Variants in RAB22A observed in about 807,000 individuals in gnomAD.
The protein encoded by RAB22A is RAB22A, member RAS oncogene family.
Under a neutral mutation model 30.2 loss-of-function variants are expected in RAB22A, and 13 were observed. The observed-to-expected ratio is 0.43, with a 90% confidence interval of 0.28 to 0.68. The LOEUF (loss-of-function observed/expected upper bound fraction) is 0.68. Among genes scored for constraint, RAB22A ranks in the 30% least tolerant of loss-of-function variants. The pLI, the probability that RAB22A is intolerant of heterozygous loss-of-function variation, is 0.18. For missense variants in RAB22A, 177 were observed against 246.8 expected, an observed-to-expected ratio of 0.72 and a Z score of 1.89; for synonymous variants, 89 against 87.2, an observed-to-expected ratio of 1.02 and a Z score of -0.11.
Position 58,359,805 on chromosome 20 carries a change from G to A in RAB22A, c.*102G>A. On this transcript the variant is annotated 3_prime_UTR_variant, in exon 7 of 7. Transcript: ENST00000244040. Reference sequence around the variant, plus strand: ...CCAGTTTTCACCTAGCCAGTCTTGAGTCTTCTCCGTGCAAAAAGGATTCAC... The same window carrying A: ...CCAGTTTTCACCTAGCCAGTCTTGAATCTTCTCCGTGCAAAAAGGATTCAC... 1 of 978,144 alleles carries A rather than the reference G, an allele frequency of 1.0e-6. No homozygotes were observed. Among genetic ancestry groups the A allele is most frequent in the East Asian group, 2.7e-5 (1 of 36,522 alleles). 60.6% of individuals were successfully genotyped at this position (978,144 alleles called of 1,614,324 possible).
intron 2 of RAB22A, among the ~76,000 whole-genome samples, chr20:58,319,247 A>G (rs1487544610): frequency 6.6e-6 from 1 of 152,236 alleles, no homozygotes; most frequent in African/African-American, 2.4e-5. Context: ...ACAACATTGG[A>G]CATATAGGAC....
chr20:58,332,832 CG>C (rs1986685487), intron 2 of RAB22A, among the ~76,000 whole-genome samples: 1 of 151,632 alleles, frequency 6.6e-6, no homozygotes, highest in Non-Finnish European at 1.5e-5. Flanking sequence ...TGCTGATAAC[CG>C]GAAATAAAGA....
In RAB22A at chr20:58,318,366, C is replaced by T. The variant is rs11697272; in HGVS notation, c.116+7244C>T. On this transcript the variant is annotated intron_variant, in intron 2 of 6. Coordinates refer to ENST00000244040, the MANE Select transcript of RAB22A (RefSeq NM_020673.3). ...TTCTAATTTTTTCTCCAAATTTTTTCGTAACATGCATGCACAGGTTGAGTA... is the reference window on the plus strand; with the variant it reads ...TTCTAATTTTTTCTCCAAATTTTTTTGTAACATGCATGCACAGGTTGAGTA... Among the ~76,000 whole-genome samples, 6 of 152,190 alleles carry T rather than the reference C, an allele frequency of 3.9e-5. No homozygotes were observed. In the South Asian group the frequency reaches 6.2e-4, roughly 16 times the overall value.
At chr20:58,338,175 C>T (rs770630410) in intron 2 of RAB22A, among the ~76,000 whole-genome samples, 1 of 151,816 alleles carries the variant, frequency 6.6e-6, no homozygotes, top group African/African-American at 2.4e-5. Flanking sequence ...TACAGGGACC[C>T]GCCATCACAC....
At chr20:58,314,473 CAG>C (rs758570454) in intron 2 of RAB22A, among the ~76,000 whole-genome samples, 4 of 152,210 alleles carry the variant, frequency 2.6e-5, no homozygotes, top group Non-Finnish European at 5.9e-5. Flanking sequence ...CTGACTCCTA[CAG>C]TGATCAGTAA....
At chr20:58,325,175 C>CAA (rs766377233) in intron 2 of RAB22A, among the ~76,000 whole-genome samples, 41 of 65,150 alleles carry the variant, frequency 6.3e-4, no homozygotes, top group Non-Finnish European at 8.7e-4. Context: ...GACTCCATCT[C>CAA]AAAAAAAAAA....
chr20:58,359,046 G>A (rs775846465), intron 6 of RAB22A, among the ~76,000 whole-genome samples: 5 of 152,202 alleles, frequency 3.3e-5, no homozygotes, highest in Non-Finnish European at 7.3e-5. Flanking sequence ...GGGGAGATGG[G>A]TAGGGATATA....
intron 3 of RAB22A, among the ~76,000 whole-genome samples, chr20:58,349,879 G>T (rs1987017007): frequency 6.6e-6 from 1 of 152,228 alleles, no homozygotes; most frequent in African/African-American, 2.4e-5. Flanking sequence ...GTGTGACCCA[G>T]TGAGTAGAAG....
chr20:58,348,364 T>C (rs73915842), intron 3 of RAB22A, among the ~76,000 whole-genome samples: 4,661 of 152,308 alleles, frequency 0.031, 229 homozygotes, highest in African/African-American at 0.1. Context: ...CTCAGACTTA[T>C]TTATTGTCAC....
Position 58,360,109 on chromosome 20 carries a change from G to A in RAB22A, c.*406G>A, listed in dbSNP as rs1419912267. 6.5e-6 allele frequency: 1 copy of A among 153,952 alleles called. No individual in the cohort carries two copies. The highest frequency in any genetic ancestry group is 2.4e-5 in the African/African-American group (1 of 41,458). 9.5% of individuals were successfully genotyped at this position (153,952 alleles called of 1,614,324 possible). ...GGAGATTATAATTTCCTTGGTTTCTGTTACCACTGTTAGAGGGAGTTGTAT... is the reference window on the plus strand; with the variant it reads ...GGAGATTATAATTTCCTTGGTTTCTATTACCACTGTTAGAGGGAGTTGTAT... On this transcript the variant is annotated 3_prime_UTR_variant, in exon 7 of 7. Coordinates refer to ENST00000244040, the MANE Select transcript of RAB22A (RefSeq NM_020673.3).
intron 2 of RAB22A, among the ~76,000 whole-genome samples, chr20:58,340,269 G>A (rs1410448979): frequency 6.6e-6 from 1 of 152,170 alleles, no homozygotes; most frequent in African/African-American, 2.4e-5. Context: ...TGTAACTCCT[G>A]GATTTTGCTG....
chr20:58,323,783 T>C (rs1389163070), intron 2 of RAB22A, among the ~76,000 whole-genome samples: 3 of 152,012 alleles, frequency 2.0e-5, no homozygotes, highest in African/African-American at 7.2e-5. Context: ...GAAGCACCTT[T>C]ATTTTGTTTG....
In RAB22A at chr20:58,350,504, C is replaced by A. The variant is rs560880452; in HGVS notation, c.199-2769C>A. Among the ~76,000 whole-genome samples, 5 of 152,220 alleles carry A rather than the reference C, an allele frequency of 3.3e-5. No homozygotes were observed. In the East Asian group the frequency reaches 9.7e-4, roughly 29 times the overall value. ...ATCTAGGTAAGTCGTAGTCAAACTG[C>A]TGAAAACCAAAGGTAAAGAGAAAAT... is the stretch of plus-strand genomic sequence containing the variant. On this transcript the variant is annotated intron_variant, in intron 3 of 6. Coordinates refer to ENST00000244040, the MANE Select transcript of RAB22A (RefSeq NM_020673.3).
In RAB22A at chr20:58,309,759, C is replaced by A; in HGVS notation, c.-218C>A. 3 of 302,414 alleles carry A rather than the reference C, an allele frequency of 9.9e-6. No homozygotes were observed. In the South Asian group the frequency reaches 4.3e-4, roughly 44 times the overall value. 18.7% of individuals were successfully genotyped at this position (302,414 alleles called of 1,614,324 possible). On this transcript the variant is annotated 5_prime_UTR_variant, in exon 1 of 7. Transcript: ENST00000244040. ...CCAAGATGGCGGCGGCGGCGGCTCC[C>A]GGAAGGCCGCGGCGGCGTCCCGGCT... is the stretch of plus-strand genomic sequence containing the variant.
At chr20:58,311,200 G>A in intron 2 of RAB22A, 78 bp downstream of exon 2, 3 of 1,309,968 alleles carry the variant, frequency 2.3e-6, no homozygotes, top group Non-Finnish European at 3.3e-6. Context: ...ACAGGTGTAG[G>A]CCCTGCGCTT....
intron 3 of RAB22A, among the ~76,000 whole-genome samples, chr20:58,350,610 G>A (rs756870120): frequency 8.5e-5 from 13 of 152,282 alleles, no homozygotes; most frequent in East Asian, 5.8e-4. Context: ...CATAAACGCC[G>A]GAGACCAGAA....
At chr20:58,356,807 G>A (rs1987136558) in intron 6 of RAB22A, among the ~76,000 whole-genome samples, 1 of 152,152 alleles carries the variant, frequency 6.6e-6, no homozygotes, top group South Asian at 2.1e-4. Context: ...GCATCTAGCT[G>A]TGAATGATCC....
chr20:58,316,259 T>A (rs1986335763), intron 2 of RAB22A, among the ~76,000 whole-genome samples: 3 of 152,246 alleles, frequency 2.0e-5, no homozygotes, highest in Admixed American at 1.3e-4. Flanking sequence ...ATTCCTGCCC[T>A]CCCTGCACCA....
intron 2 of RAB22A, among the ~76,000 whole-genome samples, chr20:58,312,733 G>A (rs577746552): frequency 3.3e-5 from 5 of 151,880 alleles, no homozygotes; most frequent in Non-Finnish European, 5.9e-5. Context: ...CTCGTGATCC[G>A]CCTGCCTTGG....
Sources: gnomAD v4.1 joint callset for allele counts (sites outside exome capture counted in the v4.1 genomes callset) on GRCh38, gnomAD v4.1.1 for gene constraint, MANE v1.5 for transcripts, NCBI Gene and HGNC (gene_info 2026-07-23, HGNC 2026-07-21) for gene names.